Variants in SHANK2 observed in about 807,000 individuals in gnomAD.
SHANK2 encodes the protein SH3 and multiple ankyrin repeat domains protein 2.
SHANK2 carries 43 observed loss-of-function variants against 133.7 expected under a neutral mutation model. The observed-to-expected ratio is 0.32, with a 90% CI of 0.25 to 0.41. SHANK2 has a LOEUF of 0.41. Among genes scored for constraint, SHANK2 ranks in the 10% least tolerant of loss-of-function variants. The pLI, the probability that SHANK2 is intolerant of heterozygous loss-of-function variation, is 1.00. For synonymous variants in SHANK2, 1,017 were observed against 952.8 expected (o/e 1.07, Z -1.24); for missense variants, 1,994 against 2,235.8 (o/e 0.89, Z 2.18).
chr11:70,798,859 C>T lies in SHANK2; in HGVS notation c.1664-303G>A, dbSNP rs113436051. 3.3e-5 allele frequency among the ~76,000 whole-genome samples: 5 copies of T among 152,182 alleles called. No homozygotes were observed. In the South Asian group the frequency reaches 8.3e-4, roughly 25 times the overall value. ...ACGTCATATGAATGGATGTGCACGG[C>T]GGCCCTGTAGCATCTCTCAGTGTTG... is the stretch of plus-strand genomic sequence containing the variant. On this transcript the variant is annotated intron_variant, in intron 13 of 25. Transcript: ENST00000601538.
intron 2 of SHANK2, among the ~76,000 whole-genome samples, chr11:71,202,845 C>T (rs1312129120): frequency 1.3e-5 from 2 of 152,200 alleles, no homozygotes; most frequent in Non-Finnish European, 2.9e-5. Flanking sequence ...ATGCAAGGGG[C>T]AACAATGAGC....
At chr11:71,178,807 A>G (rs1953494760) in intron 2 of SHANK2, among the ~76,000 whole-genome samples, 1 of 151,150 alleles carries the variant, frequency 6.6e-6, no homozygotes, top group Non-Finnish European at 1.5e-5. Flanking sequence ...AACACGGTGA[A>G]ACACTGTCTC....
intron 17 of SHANK2, among the ~76,000 whole-genome samples, chr11:70,653,471 C>T (rs1298950142): frequency 6.7e-6 from 1 of 148,616 alleles, no homozygotes; most frequent in African/African-American, 2.5e-5. Context: ...AAGACAGAGT[C>T]TTGCTCTGTT....
At position 71,170,170 on chromosome 11, in the gene SHANK2, AATT is replaced by A. The variant is rs1211746530; in HGVS notation, c.-12-22835_-12-22833del. ...TAATACTTTTATCAAAATACATCCA[AATT>A]TTTTTTCTGTATTAGTCCATTTTCA... On this transcript the variant is annotated intron_variant, in intron 2 of 25. Transcript: ENST00000601538. Among the ~76,000 whole-genome samples the A allele has an allele frequency of 9.2e-5, 14 of 152,260 alleles. No homozygotes were observed. The East Asian group carries it at 2.7e-3, about 29-fold the overall frequency.
intron 17 of SHANK2, among the ~76,000 whole-genome samples, chr11:70,512,069 C>T (rs2059211389): frequency 6.6e-6 from 1 of 152,178 alleles, no homozygotes; most frequent in South Asian, 2.1e-4. Flanking sequence ...TCGATATTAT[C>T]CGCTGACACA....
chr11:70,673,766 G>T (rs1555016614), intron 15 of SHANK2, among the ~76,000 whole-genome samples: 1 of 152,228 alleles, frequency 6.6e-6, no homozygotes, highest in Non-Finnish European at 1.5e-5. Context: ...GGCCACTGCT[G>T]CCGTCCACCC....
At chr11:70,700,206 C>A (rs1406392948) in intron 14 of SHANK2, among the ~76,000 whole-genome samples, 1 of 152,186 alleles carries the variant, frequency 6.6e-6, no homozygotes, top group Non-Finnish European at 1.5e-5. Flanking sequence ...CAACAGGACT[C>A]CCCAAACAGC....
intron 15 of SHANK2, among the ~76,000 whole-genome samples, chr11:70,672,066 C>CTT (rs1323179481): frequency 7.3e-5 from 4 of 54,614 alleles, no homozygotes; most frequent in Admixed American, 5.2e-4. Context: ...TTTTCTTTTT[C>CTT]TTTTTTTTTT....
intron 11 of SHANK2, among the ~76,000 whole-genome samples, chr11:70,845,198 CAAAAAAAAAAAAAA>C (rs782471301): frequency 2.1e-4 from 11 of 51,684 alleles, no homozygotes; most frequent in African/African-American, 6.5e-4. Flanking sequence ...GACTCTGTCT[CAAAAAAAAAAAAAA>C]AAAAAAAGAA....
intron 22 of SHANK2, among the ~76,000 whole-genome samples, chr11:70,490,800 G>A (rs2058875701): frequency 6.6e-6 from 1 of 152,206 alleles, no homozygotes; most frequent in African/African-American, 2.4e-5. Flanking sequence ...CATGTGCCAT[G>A]TGACCATCAA....
chr11:70,904,136 C>T (rs1950064132), intron 10 of SHANK2, among the ~76,000 whole-genome samples: 1 of 152,174 alleles, frequency 6.6e-6, no homozygotes, highest in Non-Finnish European at 1.5e-5. Context: ...TTGCCTGCCC[C>T]ACAAACTCAG....
At chr11:70,938,473 G>C (rs1187314425) in intron 10 of SHANK2, among the ~76,000 whole-genome samples, 1 of 152,218 alleles carries the variant, frequency 6.6e-6, no homozygotes, top group African/African-American at 2.4e-5. Flanking sequence ...TGAAACAAAA[G>C]ACGGGAGGCA....
In SHANK2 at chr11:71,175,417, A is replaced by T. The variant is rs139563507; in HGVS notation, c.-12-28079T>A. ...CCGAAGCAGGAAAGTGAGTCTGTAA[A>T]GAGAGCAGGAGGAAGGAAAGAAAAA... On this transcript the variant is annotated intron_variant, in intron 2 of 25. Transcript: ENST00000601538. This position sits in a 1 kb window ranked among gnomAD's most constrained non-coding sequence, Gnocchi z 4.2. Among the ~76,000 whole-genome samples the T allele has an allele frequency of 0.022, 3,416 of 152,214 alleles. 65 individuals carry two copies. Among genetic ancestry groups the T allele is most frequent in the Non-Finnish European group, 0.036 (2,450 of 68,000 alleles).
At chr11:70,493,131 T>A (rs2058918989) in intron 21 of SHANK2, among the ~76,000 whole-genome samples, 1 of 151,612 alleles carries the variant, frequency 6.6e-6, no homozygotes. Flanking sequence ...GATTTATTCT[T>A]GTGAGGGTTA....
At chr11:70,712,310 G>T (rs1462436821) in intron 14 of SHANK2, among the ~76,000 whole-genome samples, 3 of 152,156 alleles carry the variant, frequency 2.0e-5, no homozygotes, top group African/African-American at 7.2e-5. Flanking sequence ...TCAGCTGACA[G>T]CAACCTGAGT....
intron 10 of SHANK2, among the ~76,000 whole-genome samples, chr11:70,955,078 C>G (rs1170523511): frequency 6.6e-6 from 1 of 152,212 alleles, no homozygotes; most frequent in Admixed American, 6.5e-5. Flanking sequence ...CCTCCCATTT[C>G]ATCCTTGTCC....
At chr11:70,944,282 C>T (rs1473226681) in intron 10 of SHANK2, among the ~76,000 whole-genome samples, 2 of 152,216 alleles carry the variant, frequency 1.3e-5, no homozygotes, top group Non-Finnish European at 2.9e-5. Flanking sequence ...CAGAGCCATC[C>T]ACCCTCCTGT....
intron 17 of SHANK2, among the ~76,000 whole-genome samples, chr11:70,578,438 G>A (rs1477251619): frequency 6.6e-6 from 1 of 152,204 alleles, no homozygotes; most frequent in African/African-American, 2.4e-5. Flanking sequence ...GTCTCAGGGG[G>A]ACAGGCGCAT....
At chr11:70,582,050 C>T (rs2060191619) in intron 17 of SHANK2, among the ~76,000 whole-genome samples, 2 of 152,226 alleles carry the variant, frequency 1.3e-5, no homozygotes, top group Non-Finnish European at 2.9e-5. Context: ...AGATCCCGGG[C>T]CAGGTCCAGT....
Sources: gnomAD v4.1 joint callset for allele counts (sites outside exome capture counted in the v4.1 genomes callset) on GRCh38, gnomAD v4.1.1 for gene constraint, Gnocchi (gnomAD v3.1) non-coding constraint, MANE v1.5 for transcripts, NCBI Gene and HGNC (gene_info 2026-07-23, HGNC 2026-07-21) for gene names.